Variants in UNC13C observed in about 807,000 individuals in gnomAD.
UNC13C encodes the protein protein unc-13 homolog C.
Under a neutral mutation model 245.4 loss-of-function variants are expected in UNC13C, and 174 were observed. That is an observed-to-expected ratio of 0.71 (90% CI 0.63 to 0.80). The LOEUF is 0.80. Among genes scored for constraint, UNC13C ranks in the 30% least tolerant of loss-of-function variants. UNC13C has a pLI of 0.00. For synonymous variants in UNC13C, 992 were observed against 895.1 expected (o/e 1.11, Z -1.93); for missense variants, 2,829 against 2,602.9 (o/e 1.09, Z -1.89).
At chr15:54,167,206 T>C (rs940749994) in intron 4 of UNC13C, among the ~76,000 whole-genome samples, 2 of 151,730 alleles carry the variant, frequency 1.3e-5, no homozygotes, top group Admixed American at 6.6e-5. Flanking sequence ...AGCAACCCAA[T>C]AGGAAAAGAG....
intron 2 of UNC13C, among the ~76,000 whole-genome samples, chr15:54,028,531 A>T (rs1896214796): frequency 6.6e-6 from 1 of 152,128 alleles, no homozygotes; most frequent in Admixed American, 6.5e-5. Context: ...ATAGCGCTGA[A>T]AATTGCTGTT....
intron 13 of UNC13C, among the ~76,000 whole-genome samples, chr15:54,316,246 C>T (rs942647324): frequency 1.1e-4 from 16 of 151,910 alleles, no homozygotes; most frequent in African/African-American, 3.9e-4. Flanking sequence ...TTTGGCCATA[C>T]CAATCCTAAT....
At chr15:54,561,188 T>TAAC (rs1897283834) in intron 29 of UNC13C, among the ~76,000 whole-genome samples, 1 of 152,022 alleles carries the variant, frequency 6.6e-6, no homozygotes, top group Non-Finnish European at 1.5e-5. Context: ...TTAGATTCTT[T>TAAC]AACACCTGAG....
chr15:54,194,848 T>C (rs1336744928), intron 4 of UNC13C, among the ~76,000 whole-genome samples: 2 of 152,144 alleles, frequency 1.3e-5, no homozygotes, highest in African/African-American at 2.4e-5. Context: ...ATATTTATTT[T>C]TGAAAGCAGC....
At chr15:54,316,451 T>C (rs963915003) in intron 13 of UNC13C, among the ~76,000 whole-genome samples, 1 of 151,930 alleles carries the variant, frequency 6.6e-6, no homozygotes, top group Admixed American at 6.6e-5. Flanking sequence ...TAGCCCAGCC[T>C]CATCTCAAGA....
At chr15:54,403,908 CT>C (rs1265710028) in intron 18 of UNC13C, among the ~76,000 whole-genome samples, 4 of 151,906 alleles carry the variant, frequency 2.6e-5, no homozygotes, top group Non-Finnish European at 5.9e-5. Flanking sequence ...ACAAGAGAAC[CT>C]AAGTACAAAA....
At chr15:54,181,018 T>C (rs961092084) in intron 4 of UNC13C, among the ~76,000 whole-genome samples, 6 of 152,062 alleles carry the variant, frequency 3.9e-5, no homozygotes, top group African/African-American at 1.2e-4. Flanking sequence ...TTGCCAACTT[T>C]TGTTTATGTT....
chr15:54,436,427 C>T (rs2040988012), intron 19 of UNC13C, among the ~76,000 whole-genome samples: 1 of 151,818 alleles, frequency 6.6e-6, no homozygotes, highest in East Asian at 1.9e-4. Flanking sequence ...CCATCAGGGA[C>T]AGACTGGATA....
intron 14 of UNC13C, among the ~76,000 whole-genome samples, chr15:54,328,375 G>A (rs1320599894): frequency 6.6e-6 from 1 of 151,806 alleles, no homozygotes; most frequent in Non-Finnish European, 1.5e-5. Context: ...TGCTGTTTTT[G>A]GTATGATCTG....
intron 2 of UNC13C, among the ~76,000 whole-genome samples, chr15:54,040,698 A>G (rs1477989667): frequency 6.6e-6 from 1 of 152,148 alleles, no homozygotes; most frequent in Non-Finnish European, 1.5e-5. Context: ...GGCCTGCTGG[A>G]AGTGAGTCAC....
At position 54,081,999 on chromosome 15, in the gene UNC13C, C is replaced by T. The variant is rs375069285; in HGVS notation, c.2984-61019C>T. ...GTCTGGTGGTTATGAATTCCCTTAGCATTTGCTTGCCTGGGAAAAGTTTTA... is the reference window on the plus strand; with the variant it reads ...GTCTGGTGGTTATGAATTCCCTTAGTATTTGCTTGCCTGGGAAAAGTTTTA... On this transcript the variant is annotated intron_variant, in intron 2 of 32. Transcript: ENST00000260323. 2.0e-5 allele frequency among the ~76,000 whole-genome samples: 3 copies of T among 152,262 alleles called. No individual in the cohort carries two copies. The East Asian group carries it at 5.8e-4, about 29-fold the overall frequency.
the UNC13C span, among the ~76,000 whole-genome samples, chr15:53,860,389 G>A: frequency 6.6e-6 from 1 of 152,154 alleles, no homozygotes; most frequent in South Asian, 2.1e-4. Context: ...GGGACCAGTA[G>A]AAGTCATTGG....
intron 30 of UNC13C, among the ~76,000 whole-genome samples, chr15:54,615,492 G>T (rs1338706652): frequency 2.0e-5 from 3 of 151,844 alleles, no homozygotes; most frequent in African/African-American, 7.3e-5. Context: ...TTATTCCCTA[G>T]TCTCTTCCTG....
At chr15:54,381,866 G>A (rs2039732287) in intron 17 of UNC13C, among the ~76,000 whole-genome samples, 1 of 152,130 alleles carries the variant, frequency 6.6e-6, no homozygotes, top group Non-Finnish European at 1.5e-5. Context: ...AAAATCAACA[G>A]AGACATTGGA....
At chr15:54,185,916 T>C (rs1189398041) in intron 4 of UNC13C, among the ~76,000 whole-genome samples, 2 of 150,960 alleles carry the variant, frequency 1.3e-5, no homozygotes, top group African/African-American at 2.5e-5. Context: ...GGAATGTTCT[T>C]CCATTTGTTT....
At chr15:54,126,861 A>G (rs1258951350) in intron 2 of UNC13C, among the ~76,000 whole-genome samples, 1 of 152,246 alleles carries the variant, frequency 6.6e-6, no homozygotes, top group African/African-American at 2.4e-5. Flanking sequence ...ACAAATTTAC[A>G]AGAAAAAAAC....
At chr15:54,564,698 G>A in intron 29 of UNC13C, among the ~76,000 whole-genome samples, 1 of 151,840 alleles carries the variant, frequency 6.6e-6, no homozygotes, top group South Asian at 2.1e-4. Context: ...GGTGTCCTAT[G>A]GCCTAATAAT....
the UNC13C span, chr15:53,972,814 G>T: frequency 6.6e-6 from 1 of 152,030 alleles, no homozygotes; most frequent in African/African-American, 2.4e-5. Context: ...AGTCATTGTT[G>T]TTTTCTTGGA....
At chr15:53,946,392 T>C in the UNC13C span, among the ~76,000 whole-genome samples, 1 of 152,022 alleles carries the variant, frequency 6.6e-6, no homozygotes, top group Non-Finnish European at 1.5e-5. Context: ...CCTAGATGGC[T>C]CTTATGATTT....
Sources: gnomAD v4.1 joint callset for allele counts (sites outside exome capture counted in the v4.1 genomes callset) on GRCh38, gnomAD v4.1.1 for gene constraint, MANE v1.5 for transcripts, NCBI Gene and HGNC (gene_info 2026-07-23, HGNC 2026-07-21) for gene names.